CPNE5: variants seen among roughly 807,000 people sequenced by gnomAD.
CPNE5 encodes copine-5.
CPNE5 carries 42 observed loss-of-function variants against 81.1 expected under a neutral mutation model. The observed-to-expected ratio is 0.52, with a 90% CI of 0.40 to 0.67. The LOEUF is 0.67. CPNE5 is among the 30% of genes least tolerant of loss of function. CPNE5 has a pLI of 0.00. For synonymous variants in CPNE5, 313 were observed against 321.5 expected (o/e 0.97, Z 0.28); for missense variants, 612 against 815.5 (o/e 0.75, Z 3.04).
At chr6:36,815,539 T>C (rs1051185111) in intron 3 of CPNE5, among the ~76,000 whole-genome samples, 6 of 152,180 alleles carry the variant, frequency 3.9e-5, no homozygotes, top group African/African-American at 9.7e-5. Flanking sequence ...TCACCAGACA[T>C]TGAATTTGCT....
intron 8 of CPNE5, among the ~76,000 whole-genome samples, chr6:36,791,319 A>C (rs1028840812): frequency 1.3e-4 from 20 of 152,326 alleles, no homozygotes; most frequent in Admixed American, 3.9e-4. Flanking sequence ...CATCCATAGA[A>C]TGGGAGTAAC....
intron 17 of CPNE5, 51 bp from the exon 18 acceptor site, chr6:36,745,201 G>GTTC: frequency 6.6e-7 from 1 of 1,513,542 alleles, no homozygotes; most frequent in Non-Finnish European, 9.1e-7. Context: ...CTCTGGGCAT[G>GTTC]TTCCCCCCTA....
At chr6:36,839,478 G>T, upstream of CPNE5, 1 of 994,252 alleles carries the variant, frequency 1.0e-6, no homozygotes, top group Non-Finnish European at 1.4e-6. This position sits in a 1 kb window ranked among gnomAD's most constrained non-coding sequence, Gnocchi z 7.3. Context: ...TCCAGAGCCT[G>T]GGCTGGGCGG....
intron 1 of CPNE5, among the ~76,000 whole-genome samples, chr6:36,828,643 G>A (rs1330770773): frequency 6.6e-6 from 1 of 152,160 alleles, no homozygotes; most frequent in Admixed American, 6.5e-5. Context: ...ATGGCATATT[G>A]GTATATACGG....
chr6:36,745,230 T>C, intron 17 of CPNE5, 80 bp from the exon 18 acceptor site: 1 of 1,445,804 alleles, frequency 6.9e-7, no homozygotes, highest in South Asian at 1.2e-5. Flanking sequence ...CCCTGAACAC[T>C]TTGGAGGGTG....
chr6:36,812,082 C>T (rs11966213), intron 3 of CPNE5, among the ~76,000 whole-genome samples: 162 of 152,182 alleles, frequency 1.1e-3, no homozygotes, highest in African/African-American at 3.6e-3. Context: ...CCAGCCTGGG[C>T]GACAGAGTGA....
chr6:36,754,661 C>T (rs1305638465), intron 13 of CPNE5: 3 of 152,248 alleles, frequency 2.0e-5, no homozygotes, highest in Admixed American at 1.3e-4. Context: ...GGCCTAGGCC[C>T]GCTCTGTCTC....
At chr6:36,832,333 A>T (rs1297999705) in intron 1 of CPNE5, among the ~76,000 whole-genome samples, 1 of 152,204 alleles carries the variant, frequency 6.6e-6, no homozygotes, top group African/African-American at 2.4e-5. Flanking sequence ...TTTAGATCTG[A>T]TGACGACTCC....
chr6:36,780,972 G>T (rs1374141634), intron 8 of CPNE5, among the ~76,000 whole-genome samples: 1 of 152,148 alleles, frequency 6.6e-6, no homozygotes, highest in East Asian at 1.9e-4. Context: ...TCAAAGTCAT[G>T]CCTCTTCCAG....
intron 10 of CPNE5, among the ~76,000 whole-genome samples, chr6:36,773,958 C>T (rs969268014): frequency 1.9e-4 from 29 of 151,506 alleles, no homozygotes; most frequent in African/African-American, 6.8e-4. Context: ...ACCAGCTACT[C>T]GGGAGGCTGA....
intron 10 of CPNE5, among the ~76,000 whole-genome samples, chr6:36,767,616 ACCAACACCAGCC>A (rs11271483): frequency 0.017 from 2,542 of 152,266 alleles, 63 homozygotes; most frequent in African/African-American, 0.054. Flanking sequence ...TCCTCTGACC[ACCAACACCAGCC>A]CCTCGGGTGA....
intron 8 of CPNE5, among the ~76,000 whole-genome samples, chr6:36,790,545 T>C (rs551023946): frequency 6.6e-6 from 1 of 152,360 alleles, no homozygotes; most frequent in Non-Finnish European, 1.5e-5. Flanking sequence ...AGGCCACTCT[T>C]CTCATTAAAT....
chr6:36,756,235 G>T lies in CPNE5; in HGVS notation c.909+10C>A. ...TACACCCGGCTGCAGAGACCGGGGTGGCTACTCACTGTGCCAGAATTCACG... is the reference window on the plus strand; with the variant it reads ...TACACCCGGCTGCAGAGACCGGGGTTGCTACTCACTGTGCCAGAATTCACG... On this transcript the variant is annotated intron_variant, in intron 13 of 20. Coordinates refer to ENST00000244751, the MANE Select transcript of CPNE5 (RefSeq NM_020939.2). 1 of 1,612,484 alleles carries T rather than the reference G, an allele frequency of 6.2e-7. No individual in the cohort carries two copies. Among genetic ancestry groups the T allele is most frequent in the Non-Finnish European group, 8.5e-7 (1 of 1,178,912 alleles).
At chr6:36,802,024 T>C (rs1313704908) in intron 3 of CPNE5, among the ~76,000 whole-genome samples, 3 of 151,932 alleles carry the variant, frequency 2.0e-5, no homozygotes, top group South Asian at 2.1e-4. Flanking sequence ...ATCGAGACCA[T>C]CCTGGCCAAC....
At chr6:36,831,330 C>T (rs1425211865) in intron 1 of CPNE5, among the ~76,000 whole-genome samples, 2 of 151,898 alleles carry the variant, frequency 1.3e-5, no homozygotes, top group East Asian at 3.9e-4. Context: ...GCTGGGATTA[C>T]AGGCTACAGC....
intron 8 of CPNE5, among the ~76,000 whole-genome samples, chr6:36,779,640 G>T (rs1224931355): frequency 6.6e-6 from 1 of 152,226 alleles, no homozygotes; most frequent in East Asian, 1.9e-4. Flanking sequence ...AGAGCAGGGA[G>T]TGGCTTCCCC....
At chr6:36,786,291 C>G (rs976024879) in intron 8 of CPNE5, among the ~76,000 whole-genome samples, 1 of 152,128 alleles carries the variant, frequency 6.6e-6, no homozygotes, top group East Asian at 1.9e-4. Context: ...AAACCTGGGG[C>G]GTCAGCGAAC....
intron 10 of CPNE5, among the ~76,000 whole-genome samples, chr6:36,769,489 G>T (rs569934195): frequency 1.4e-4 from 22 of 152,362 alleles, no homozygotes; most frequent in African/African-American, 5.0e-4. Context: ...TGAGCTGCAA[G>T]GTCTGCCTCC....
intron 8 of CPNE5, among the ~76,000 whole-genome samples, chr6:36,789,561 A>G (rs1296060879): frequency 1.3e-5 from 2 of 152,204 alleles, no homozygotes; most frequent in Non-Finnish European, 2.9e-5. Context: ...ACACACTCAC[A>G]TTCATGAACT....
Sources: allele counts gnomAD v4.1 joint callset (sites outside exome capture counted in the v4.1 genomes callset), GRCh38; gene constraint gnomAD v4.1.1; non-coding constraint Gnocchi (gnomAD v3.1); transcripts MANE v1.5; gene names NCBI Gene and HGNC (gene_info 2026-07-23, HGNC 2026-07-21).